The following SPNS3 variants were observed in gnomAD, a reference collection of about 807,000 sequenced individuals.
SPNS3 encodes the protein protein spinster homolog 3.
In SPNS3, 51 loss-of-function variants were observed where a neutral mutation model predicts 54.4. That is an observed-to-expected ratio of 0.94 (90% CI 0.75 to 1.18). The LOEUF (loss-of-function observed/expected upper bound fraction) is 1.18. Among genes scored for constraint, SPNS3 ranks in the 50% most tolerant of loss-of-function variants. SPNS3 has a pLI of 0.00. For synonymous variants in SPNS3, 309 were observed against 294.7 expected (o/e 1.05, Z -0.50); for missense variants, 669 against 677.4 (o/e 0.99, Z 0.14).
intron 4 of SPNS3, chr17:4,446,645 G>C (rs1486259643): frequency 5.1e-6 from 3 of 584,346 alleles, no homozygotes; most frequent in East Asian, 5.7e-5. Flanking sequence ...GGAGGGTGTA[G>C]GGTATGTGTT....
At chr17:4,471,725 C>A (rs1309639382) in intron 8 of SPNS3, among the ~76,000 whole-genome samples, 2 of 152,176 alleles carry the variant, frequency 1.3e-5, no homozygotes, top group African/African-American at 4.8e-5. Context: ...CTCGGCCTCC[C>A]AAAGTGCTGG....
At chr17:4,464,683 A>C (rs986337946) in intron 8 of SPNS3, among the ~76,000 whole-genome samples, 1 of 151,818 alleles carries the variant, frequency 6.6e-6, no homozygotes, top group African/African-American at 2.4e-5. Context: ...GTTCTTTTTT[A>C]TTTTTTTATT....
intron 9 of SPNS3, among the ~76,000 whole-genome samples, chr17:4,484,424 G>T (rs1972254841): frequency 6.6e-6 from 1 of 152,084 alleles, no homozygotes; most frequent in Admixed American, 6.6e-5. Context: ...GGGTTCAAGC[G>T]ATTCTCCTGC....
chr17:4,442,279 T>A, intron 2 of SPNS3, among the ~76,000 whole-genome samples: 1 of 151,594 alleles, frequency 6.6e-6, no homozygotes, highest in East Asian at 1.9e-4. Flanking sequence ...GGCTCACGCC[T>A]GTAATCCCAG....
At chr17:4,457,495 C>G (rs866910289) in intron 8 of SPNS3, among the ~76,000 whole-genome samples, 1 of 152,232 alleles carries the variant, frequency 6.6e-6, no homozygotes, top group South Asian at 2.1e-4. Flanking sequence ...ACACCCCAGG[C>G]ACTAGTAAAT....
chr17:4,434,185 C>G lies in SPNS3; in HGVS notation c.199+19C>G. 6.3e-7 allele frequency: 1 copy of G among 1,597,308 alleles called. No individual in the cohort carries two copies. Among genetic ancestry groups the G allele is most frequent in the Non-Finnish European group, 8.5e-7 (1 of 1,170,546 alleles). On this transcript the variant is annotated intron_variant, in intron 1 of 11. Transcript: ENST00000355530. ...ATTGCAGGTGAGGAGGGGATGGCTA[C>G]CCTGGGCAGTACCTGCTGCTGTGCC... is the stretch of plus-strand genomic sequence containing the variant.
chr17:4,453,800 A>G lies in SPNS3; in HGVS notation c.1113+595A>G, dbSNP rs144584223. On this transcript the variant is annotated intron_variant, in intron 8 of 11. Transcript: ENST00000355530. ...GCATATTGTGGGCCCAAGAAGAAAT[A>G]GAGCAATTCTCCCCAGGTTACAGAG... 3.5e-3 allele frequency among the ~76,000 whole-genome samples: 539 copies of G among 152,342 alleles called. 4 individuals are homozygous for G. The highest frequency in any genetic ancestry group is 0.014 in the Middle Eastern group (4 of 294).
intron 8 of SPNS3, among the ~76,000 whole-genome samples, chr17:4,462,746 C>A: frequency 3.3e-5 from 4 of 122,534 alleles, no homozygotes; most frequent in Non-Finnish European, 5.4e-5. Context: ...CCAATCCATC[C>A]ATCCACCAAT....
intron 8 of SPNS3, among the ~76,000 whole-genome samples, chr17:4,468,335 A>G (rs4790633): frequency 0.85 from 129,985 of 152,186 alleles, 55,658 homozygotes; most frequent in East Asian, 1. Flanking sequence ...GCAGAAACAG[A>G]GAAATCACTC....
chr17:4,463,319 C>A (rs1971587717), intron 8 of SPNS3, among the ~76,000 whole-genome samples: 1 of 150,782 alleles, frequency 6.6e-6, no homozygotes, highest in Admixed American at 6.6e-5. Flanking sequence ...ATCACTTGAG[C>A]TCAGGAGGTG....
intron 3 of SPNS3, among the ~76,000 whole-genome samples, chr17:4,445,690 T>G (rs915841733): frequency 4.6e-5 from 7 of 152,050 alleles, no homozygotes; most frequent in Non-Finnish European, 1.5e-5. Context: ...CCAGTGGACT[T>G]TCTTAACAGG....
intron 2 of SPNS3, among the ~76,000 whole-genome samples, chr17:4,441,983 A>AGTATGTGTGT: frequency 7.2e-6 from 1 of 139,108 alleles, no homozygotes; most frequent in Non-Finnish European, 1.5e-5. Flanking sequence ...CGGAGGGAGA[A>AGTATGTGTGT]GTGTGTGTGT....
chr17:4,438,818 G>A (rs943934472), intron 1 of SPNS3, among the ~76,000 whole-genome samples: 1 of 152,258 alleles, frequency 6.6e-6, no homozygotes, highest in African/African-American at 2.4e-5. Context: ...CTGCAGTGTG[G>A]ATGGCAGCCC....
intron 8 of SPNS3, among the ~76,000 whole-genome samples, chr17:4,473,633 C>T (rs2144180288): frequency 6.6e-6 from 1 of 152,258 alleles, no homozygotes; most frequent in East Asian, 1.9e-4. Context: ...AGTGATCTGC[C>T]TGCCTCGGCT....
intron 5 of SPNS3, 69 bp downstream of exon 5, chr17:4,447,031 G>T (rs1971014987): frequency 1.3e-6 from 2 of 1,576,422 alleles, no homozygotes; most frequent in Admixed American, 3.4e-5. Context: ...AGCCTTGGGT[G>T]ACCTTAGCCA....
At chr17:4,458,583 TCCCTCCTTTCTTTC>T (rs1971390796) in intron 8 of SPNS3, among the ~76,000 whole-genome samples, 1 of 46,220 alleles carries the variant, frequency 2.2e-5, no homozygotes, top group Non-Finnish European at 5.2e-5. Context: ...CTTTCTTCCT[TCCCTCCTTTCTTTC>T]TTTCTTTCTT....
intron 8 of SPNS3, among the ~76,000 whole-genome samples, chr17:4,468,763 C>CTTTCTTTCTT (rs59681919): frequency 0.01 from 294 of 28,974 alleles, 2 homozygotes; most frequent in Middle Eastern, 0.048. Context: ...CTTTCTTTCT[C>CTTTCTTTCTT]TCTTTCTTTT....
chr17:4,467,873 G>T (rs967049755), intron 8 of SPNS3, among the ~76,000 whole-genome samples: 1 of 152,160 alleles, frequency 6.6e-6, no homozygotes, highest in African/African-American at 2.4e-5. Flanking sequence ...CACCATGTTG[G>T]TTGGCCAGGG....
chr17:4,446,763 G>C (rs983454891), intron 4 of SPNS3, 133 bp from the exon 5 acceptor site: 3 of 788,912 alleles, frequency 3.8e-6, no homozygotes, highest in Non-Finnish European at 6.4e-6. Flanking sequence ...ACTTTCCTCA[G>C]TGAAACAGGT....
Sources: allele counts gnomAD v4.1 joint callset (sites outside exome capture counted in the v4.1 genomes callset), GRCh38; gene constraint gnomAD v4.1.1; transcripts MANE v1.5; gene names NCBI Gene and HGNC (gene_info 2026-07-23, HGNC 2026-07-21).